The following SEPTIN7 variants were observed in gnomAD, a reference collection of about 807,000 sequenced individuals.
The protein encoded by SEPTIN7 is septin-7.
SEPTIN7 carries 10 observed loss-of-function variants against 63.3 expected under a neutral mutation model. The ratio of observed to expected loss-of-function variants is 0.16; its 90% CI spans 0.10 to 0.27. SEPTIN7 has a LOEUF of 0.27. SEPTIN7 is among the 10% of genes least tolerant of loss of function. The pLI, the probability that SEPTIN7 is intolerant of heterozygous loss-of-function variation, is 1.00. For synonymous variants in SEPTIN7, 131 were observed against 165.3 expected, an observed-to-expected ratio of 0.79 and a Z score of 1.59; for missense variants, 310 against 521.0, an observed-to-expected ratio of 0.59 and a Z score of 3.94.
rs563528777 is a variant in SEPTIN7 at position 35,898,095 on chromosome 7, G to A, written c.999-153G>A. 2.1e-4 allele frequency: 112 copies of A among 526,048 alleles called. 1 individual carries two copies. Among genetic ancestry groups the A allele is most frequent in the African/African-American group, 2.0e-3 (102 of 51,394 alleles). The allele number at this position is 526,048 out of a possible 1,614,324, so 32.6% of individuals were successfully genotyped here. ...TTAGATTTTTTTCATAAATAATCAA[G>A]TTTTATATATGAAATATGGAAAGAA... On this transcript the variant is annotated intron_variant, in intron 11 of 13. Coordinates refer to ENST00000350320, the MANE Select transcript of SEPTIN7 (RefSeq NM_001788.6).
chr7:35,839,252 C>G (rs1784282825), intron 3 of SEPTIN7, among the ~76,000 whole-genome samples: 2 of 152,118 alleles, frequency 1.3e-5, no homozygotes, highest in African/African-American at 4.8e-5. Flanking sequence ...AAAATAAAGA[C>G]TTAGCAGCAA....
At chr7:35,915,032 C>T in the SEPTIN7 span, among the ~76,000 whole-genome samples, 268 of 149,918 alleles carry the variant, frequency 1.8e-3, 1 homozygote, top group African/African-American at 6.1e-3. Context: ...TATACATGCA[C>T]GTACATATAT....
chr7:35,887,036 G>A (rs1322672205), intron 10 of SEPTIN7, among the ~76,000 whole-genome samples: 1 of 152,158 alleles, frequency 6.6e-6, no homozygotes, highest in Non-Finnish European at 1.5e-5. Flanking sequence ...AGCACGAGAA[G>A]GTCATCTTCT....
intron 3 of SEPTIN7, chr7:35,847,798 C>G (rs1241381378): frequency 6.6e-6 from 1 of 152,052 alleles, no homozygotes; most frequent in African/African-American, 2.4e-5. Flanking sequence ...AATACTTCAT[C>G]CCTGGTCCTT....
At chr7:35,913,837 A>G in the SEPTIN7 span, among the ~76,000 whole-genome samples, 2 of 152,124 alleles carry the variant, frequency 1.3e-5, no homozygotes, top group African/African-American at 4.8e-5. Flanking sequence ...TGAGCCTTAC[A>G]CCTTGGCCTC....
Position 35,906,956 on chromosome 7 carries a change from T to A in SEPTIN7, c.*2663T>A, listed in dbSNP as rs1788634905. 1 of 152,234 alleles carries A rather than the reference T, an allele frequency of 6.6e-6. No individual in the cohort carries two copies. The highest frequency in any genetic ancestry group is 1.5e-5 in the Non-Finnish European group (1 of 68,036). The allele number at this position is 152,234 out of a possible 1,614,324, so 9.4% of individuals were successfully genotyped here. A position where few individuals can be genotyped will look rare whatever the true frequency, so the allele number is the denominator to read the frequency against. ...TCTAGATCATGGTCTCCAAACCTGA[T>A]GCTATTTCCTTACAAAAATATTTGT... On this transcript the variant is annotated 3_prime_UTR_variant, in exon 14 of 14. Transcript: ENST00000350320.
intron 3 of SEPTIN7, among the ~76,000 whole-genome samples, chr7:35,843,285 CAT>C (rs1784498680): frequency 6.6e-6 from 1 of 152,174 alleles, no homozygotes; most frequent in African/African-American, 2.4e-5. Context: ...CCATTCTTCT[CAT>C]GTGGATGCCC....
chr7:35,865,077 A>G (rs189723405), intron 4 of SEPTIN7, among the ~76,000 whole-genome samples: 248 of 152,044 alleles, frequency 1.6e-3, no homozygotes, highest in Admixed American at 4.6e-3. Context: ...ATTACCTGCA[A>G]AATTATGCTC....
chr7:35,876,637 A>G (rs1786490291), intron 6 of SEPTIN7, among the ~76,000 whole-genome samples: 1 of 152,154 alleles, frequency 6.6e-6, no homozygotes, highest in South Asian at 2.1e-4. Flanking sequence ...GCCACAGACT[A>G]GGCAACATAG....
chr7:35,863,746 G>GACT (rs1237676259), intron 4 of SEPTIN7, 88 bp downstream of exon 4: 1 of 616,958 alleles, frequency 1.6e-6, no homozygotes, highest in East Asian at 3.1e-5. Context: ...GGCTTCCTTA[G>GACT]AGGTAAGATG....
At chr7:35,813,207 A>C (rs1391811246) in intron 1 of SEPTIN7, among the ~76,000 whole-genome samples, 1 of 152,318 alleles carries the variant, frequency 6.6e-6, no homozygotes, top group African/African-American at 2.4e-5. Flanking sequence ...CTGAACACAA[A>C]TAAGTTACAG....
chr7:35,824,357 G>C (rs944577046), intron 1 of SEPTIN7, among the ~76,000 whole-genome samples: 2 of 152,004 alleles, frequency 1.3e-5, no homozygotes, highest in Admixed American at 1.3e-4. Context: ...CTTTTCCTAG[G>C]TTTGTTTAGG....
intron 1 of SEPTIN7, among the ~76,000 whole-genome samples, chr7:35,817,237 G>GTGAGAT (rs771613371): frequency 2.6e-5 from 4 of 151,894 alleles, no homozygotes; most frequent in Non-Finnish European, 5.9e-5. Context: ...TGTGTATGGC[G>GTGAGAT]TGAGATAGGA....
chr7:35,892,872 C>G (rs902279153), intron 11 of SEPTIN7, among the ~76,000 whole-genome samples: 1 of 152,062 alleles, frequency 6.6e-6, no homozygotes, highest in African/African-American at 2.4e-5. Context: ...TGCTAAAAAG[C>G]AAATTGGCCC....
At chr7:35,818,626 TGTTA>T (rs1307048743) in intron 1 of SEPTIN7, among the ~76,000 whole-genome samples, 9 of 152,118 alleles carry the variant, frequency 5.9e-5, no homozygotes, top group South Asian at 2.1e-4. Context: ...GGTGTGTGTG[TGTTA>T]GTTATTTTTT....
At chr7:35,820,580 T>C (rs1395377324) in intron 1 of SEPTIN7, among the ~76,000 whole-genome samples, 1 of 152,194 alleles carries the variant, frequency 6.6e-6, no homozygotes, top group African/African-American at 2.4e-5. Flanking sequence ...TAAAAAATTA[T>C]CTTTTTTGAT....
chr7:35,858,711 G>A (rs1258965832), intron 3 of SEPTIN7, among the ~76,000 whole-genome samples: 4 of 127,256 alleles, frequency 3.1e-5, no homozygotes, highest in Admixed American at 8.9e-5. Flanking sequence ...ACAGAGTTTC[G>A]CTCTTGTTGC....
intron 11 of SEPTIN7, among the ~76,000 whole-genome samples, chr7:35,896,855 G>C (rs1175934886): frequency 6.6e-6 from 1 of 152,234 alleles, no homozygotes; most frequent in Admixed American, 6.5e-5. Context: ...TGCGAAAACA[G>C]ATCATCTTAA....
Position 35,845,986 on chromosome 7 carries a change from T to C in SEPTIN7, c.169+13086T>C, listed in dbSNP as rs185049853. On this transcript the variant is annotated intron_variant, in intron 3 of 13. Coordinates refer to ENST00000350320, the MANE Select transcript of SEPTIN7 (RefSeq NM_001788.6). Reference sequence around the variant, plus strand: ...TGTTTTTTTTTTGATATAACAGATATTCAGATATATGGCTTGAAATTTTCT... The same window carrying C: ...TGTTTTTTTTTTGATATAACAGATACTCAGATATATGGCTTGAAATTTTCT... Among the ~76,000 whole-genome samples, 549 of 152,208 alleles carry C rather than the reference T, an allele frequency of 3.6e-3. 1 individual carries two copies. Among genetic ancestry groups the C allele is most frequent in the African/African-American group, 0.013 (532 of 41,538 alleles).
Sources: allele counts gnomAD v4.1 joint callset (sites outside exome capture counted in the v4.1 genomes callset), GRCh38; gene constraint gnomAD v4.1.1; transcripts MANE v1.5; gene names NCBI Gene and HGNC (gene_info 2026-07-23, HGNC 2026-07-21).